The following GRIP1 variants were observed in gnomAD, a reference collection of about 807,000 sequenced individuals.
The protein encoded by GRIP1 is glutamate receptor interacting protein 1.
GRIP1 carries 45 observed loss-of-function variants against 129.9 expected under a neutral mutation model. That is an observed-to-expected ratio of 0.35 (90% CI 0.27 to 0.44). The LOEUF (loss-of-function observed/expected upper bound fraction) is 0.44. Ranked by LOEUF, GRIP1 falls within the 20% of genes least tolerant of loss-of-function variation. The pLI is 1.00. For missense variants in GRIP1, 1,196 were observed against 1,396.8 expected (o/e 0.86, Z 2.29); for synonymous variants, 530 against 520.8 (o/e 1.02, Z -0.24).
At chr12:66,514,864 C>T (rs2060798831) in intron 7 of GRIP1, among the ~76,000 whole-genome samples, 1 of 152,082 alleles carries the variant, frequency 6.6e-6, no homozygotes, top group Non-Finnish European at 1.5e-5. Flanking sequence ...CTGGTAAAGT[C>T]AGGTCACCTA....
intron 22 of GRIP1, among the ~76,000 whole-genome samples, chr12:66,374,528 G>T (rs2055692413): frequency 6.6e-6 from 1 of 152,120 alleles, no homozygotes; most frequent in African/African-American, 2.4e-5. Context: ...AGCACTCATT[G>T]GTTGTTTTCT....
chr12:66,845,234 ACCACTTGAG>A (rs2039792581), intron 1 of GRIP1, among the ~76,000 whole-genome samples: 1 of 146,852 alleles, frequency 6.8e-6, no homozygotes, highest in African/African-American at 2.7e-5. Context: ...AGGCGGGTGG[ACCACTTGAG>A]GTCAGGAGTT....
At chr12:66,397,330 G>A (rs963516072) in intron 16 of GRIP1, among the ~76,000 whole-genome samples, 10 of 151,524 alleles carry the variant, frequency 6.6e-5, no homozygotes, top group Non-Finnish European at 8.8e-5. Flanking sequence ...TGGCCAACAT[G>A]TCCAAAACCC....
intron 3 of GRIP1, among the ~76,000 whole-genome samples, chr12:66,540,745 C>G (rs886836585): frequency 6.6e-6 from 1 of 152,096 alleles, no homozygotes; most frequent in African/African-American, 2.4e-5. Context: ...TATTGGTGGC[C>G]AGAATTTAAG....
At position 66,857,214 on chromosome 12, in the gene GRIP1, G is replaced by A. The variant is rs562370746; in HGVS notation, c.58+211836C>T. On this transcript the variant is annotated intron_variant, in intron 1 of 1. Coordinates refer to the GRIP1 transcript ENST00000643019. ...CAGGAAGAGGAACATCACACACCGGGGCCTGTTGTGGGGTGGGGGGAAGGG... is the reference window on the plus strand; with the variant it reads ...CAGGAAGAGGAACATCACACACCGGAGCCTGTTGTGGGGTGGGGGGAAGGG... Among the ~76,000 whole-genome samples, 18 of 151,490 alleles carry A rather than the reference G, an allele frequency of 1.2e-4. 1 individual carries two copies. The highest frequency in any genetic ancestry group is 8.6e-4 in the Admixed American group (13 of 15,184).
chr12:66,372,191 T>C, intron 22 of GRIP1: 1 of 552,872 alleles, frequency 1.8e-6, no homozygotes, highest in Non-Finnish European at 3.2e-6. Context: ...CCTGGCAGTT[T>C]TGAGGCAAAT....
At chr12:66,475,396 C>T (rs187598863) in intron 7 of GRIP1, among the ~76,000 whole-genome samples, 1 of 152,270 alleles carries the variant, frequency 6.6e-6, no homozygotes, top group African/African-American at 2.4e-5. Flanking sequence ...TTTAACACCG[C>T]ACTGTCAACA....
In GRIP1 at chr12:66,788,553, T is replaced by TA. The variant is rs548677296; in HGVS notation, c.-420+15499dup. On this transcript the variant is annotated intron_variant, in intron 1 of 4. Transcript: ENST00000538373. ...GAGATGTCACTTCTGAAATTAAATT[T>TA]AAAAAAAAAAACTGTGTTTTTTTTG... Among the ~76,000 whole-genome samples, 675 of 146,526 alleles carry TA rather than the reference T, an allele frequency of 4.6e-3. 1 individual carries two copies. The highest frequency in any genetic ancestry group is 7.5e-3 in the East Asian group (38 of 5,066).
At chr12:66,753,999 C>T (rs974772723) in intron 1 of GRIP1, among the ~76,000 whole-genome samples, 7 of 152,186 alleles carry the variant, frequency 4.6e-5, no homozygotes, top group African/African-American at 1.2e-4. Context: ...AACAGCATTT[C>T]CTTGGATAAA....
At chr12:66,802,439 C>G (rs192856440) in intron 1 of GRIP1, among the ~76,000 whole-genome samples, 1 of 152,296 alleles carries the variant, frequency 6.6e-6, no homozygotes, top group African/African-American at 2.4e-5. Context: ...ATAAAGACTA[C>G]TTACTATCTT....
At chr12:66,894,678 A>C (rs1292800118) in intron 1 of GRIP1, among the ~76,000 whole-genome samples, 4 of 152,112 alleles carry the variant, frequency 2.6e-5, no homozygotes, top group Non-Finnish European at 5.9e-5. Flanking sequence ...TGAAAATGGC[A>C]AGAATTAGAT....
chr12:66,706,944 T>C (rs1004407042), intron 1 of GRIP1, among the ~76,000 whole-genome samples: 2 of 150,388 alleles, frequency 1.3e-5, no homozygotes, highest in African/African-American at 4.9e-5. Flanking sequence ...CAGATACCTA[T>C]GTAACAAACC....
At chr12:66,435,928 A>AT (rs1361780834) in intron 13 of GRIP1, among the ~76,000 whole-genome samples, 1 of 152,032 alleles carries the variant, frequency 6.6e-6, no homozygotes, top group Non-Finnish European at 1.5e-5. Context: ...TATATTTGTT[A>AT]TTTTTTCTTT....
chr12:66,669,524 G>A (rs558431312), intron 1 of GRIP1, among the ~76,000 whole-genome samples: 1 of 152,088 alleles, frequency 6.6e-6, no homozygotes, highest in Non-Finnish European at 1.5e-5. Flanking sequence ...AATTTTCAAG[G>A]AATTCATAGT....
At chr12:67,028,904 G>A (rs997540623) in intron 1 of GRIP1, among the ~76,000 whole-genome samples, 9 of 152,008 alleles carry the variant, frequency 5.9e-5, no homozygotes, top group Non-Finnish European at 1.3e-4. Flanking sequence ...ATTTACTGCA[G>A]CATCTAAGCA....
chr12:66,715,475 A>T (rs140237197), intron 1 of GRIP1, among the ~76,000 whole-genome samples: 51,872 of 92,826 alleles, frequency 0.56, 11,476 homozygotes, highest in African/African-American at 0.58. Context: ...TGTGTGTGAG[A>T]GAGAGAGAGA....
chr12:66,717,470 T>C (rs1288827023), intron 1 of GRIP1, among the ~76,000 whole-genome samples: 1 of 152,098 alleles, frequency 6.6e-6, no homozygotes, highest in Admixed American at 6.6e-5. Context: ...ACCATAGCTT[T>C]GCAAAGGGTG....
chr12:66,730,920 A>G (rs895416670), intron 1 of GRIP1, among the ~76,000 whole-genome samples: 41 of 152,178 alleles, frequency 2.7e-4, no homozygotes, highest in African/African-American at 9.7e-4. Context: ...TCAATAGAAT[A>G]TTCTGTATTC....
chr12:66,745,976 A>C (rs2036932334), intron 1 of GRIP1, among the ~76,000 whole-genome samples: 1 of 152,170 alleles, frequency 6.6e-6, no homozygotes, highest in African/African-American at 2.4e-5. Context: ...TCAAATTTGA[A>C]AAGGATAAGT....
Sources: allele counts gnomAD v4.1 joint callset (sites outside exome capture counted in the v4.1 genomes callset), GRCh38; gene constraint gnomAD v4.1.1; transcripts MANE v1.5; gene names NCBI Gene and HGNC (gene_info 2026-07-23, HGNC 2026-07-21).